The following NLRP13 variants were observed in gnomAD, a reference collection of about 807,000 sequenced individuals.
NLRP13 encodes the protein NLR family pyrin domain containing 13.
A neutral mutation model predicts 94.4 loss-of-function variants in NLRP13; 82 were observed. The observed-to-expected ratio is 0.87, with a 90% CI of 0.73 to 1.04. NLRP13 has a LOEUF of 1.04. NLRP13 is among the 50% of genes least tolerant of loss of function. The pLI is 0.00. For missense variants in NLRP13, 1,426 were observed against 1,230.8 expected, an observed-to-expected ratio of 1.16 and a Z score of -2.37; for synonymous variants, 553 against 464.7, an observed-to-expected ratio of 1.19 and a Z score of -2.45.
chr19:55,896,779 A>T (rs1986024884), intron 10 of NLRP13, among the ~76,000 whole-genome samples: 1 of 139,882 alleles, frequency 7.1e-6, no homozygotes, highest in Non-Finnish European at 1.5e-5. Flanking sequence ...AGATTGCGCC[A>T]CTGCACTCCA....
At chr19:55,891,762 C>T, downstream of NLRP13, 1 of 281,642 alleles carries the variant, frequency 3.6e-6, no homozygotes, top group Non-Finnish European at 6.6e-6. Flanking sequence ...CCAAGGAGGA[C>T]ATAGACAAGA....
At chr19:55,897,089 T>C (rs1033706883) in intron 10 of NLRP13, among the ~76,000 whole-genome samples, 3 of 152,274 alleles carry the variant, frequency 2.0e-5, no homozygotes, top group Middle Eastern at 3.4e-3. Context: ...TACACTTTTT[T>C]CCATCTTATT....
At chr19:55,898,545 A>G (rs1600257664) in intron 10 of NLRP13, among the ~76,000 whole-genome samples, 5 of 152,048 alleles carry the variant, frequency 3.3e-5, no homozygotes, top group Admixed American at 2.6e-4. Context: ...GGGTTTCCCC[A>G]TGTTGGTCAG....
chr19:55,901,190 G>C (rs1986160157), intron 9 of NLRP13, among the ~76,000 whole-genome samples: 1 of 152,230 alleles, frequency 6.6e-6, no homozygotes. Flanking sequence ...AGATTTCTCA[G>C]CAAAGCAAAT....
chr19:55,893,793 C>A (rs1306670736), downstream of NLRP13, among the ~76,000 whole-genome samples: 2 of 152,202 alleles, frequency 1.3e-5, no homozygotes, highest in African/African-American at 4.8e-5. Context: ...AGGGTCTGGG[C>A]ACCCAGTCAG....
At chr19:55,896,775 C>T (rs10425049) in intron 10 of NLRP13, among the ~76,000 whole-genome samples, 347 of 141,100 alleles carry the variant, frequency 2.5e-3, no homozygotes, top group African/African-American at 8.6e-3. Context: ...GTCAAGATTG[C>T]GCCACTGCAC....
At chr19:55,921,360 T>C (rs1009342531) in intron 4 of NLRP13, among the ~76,000 whole-genome samples, 2 of 152,224 alleles carry the variant, frequency 1.3e-5, no homozygotes, top group African/African-American at 2.4e-5. Flanking sequence ...ACGGATGATA[T>C]TTTGTTACAG....
Position 55,925,027 on chromosome 19 carries a change from G to T in NLRP13, c.328C>A (p.Gln110Lys). Reference protein sequence around the residue: ...KVRAEMKENVQTQELQDPTQE... With the variant: ...KVRAEMKENVKTQELQDPTQE... The stretch of plus-strand genomic sequence containing the variant: ...GTTGGATCTTGCAGCTCTTGGGTCT[G>T]CACATTCTCTGAAACAAACAGTGAT... Residue 110 changes from glutamine (Q) to lysine (K), a missense_variant, in exon 2 of 11, where the codon CAG becomes AAG. Physicochemically the swap from Gln to Lys is moderately conservative, Grantham distance 53. Coordinates refer to ENST00000342929, the MANE Select transcript of NLRP13 (RefSeq NM_176810.2). 1 of 1,613,862 alleles carries T rather than the reference G, an allele frequency of 6.2e-7. No individual in the cohort carries two copies. Among genetic ancestry groups the T allele is most frequent in the Non-Finnish European group, 8.5e-7 (1 of 1,179,876 alleles).
chr19:55,914,244 T>C (rs1183200677), intron 4 of NLRP13, among the ~76,000 whole-genome samples: 1 of 152,194 alleles, frequency 6.6e-6, no homozygotes. Flanking sequence ...TAGCGATTCT[T>C]AGAGGCCTTC....
intron 7 of NLRP13, among the ~76,000 whole-genome samples, chr19:55,907,468 G>A (rs889849619): frequency 1.3e-5 from 2 of 152,094 alleles, no homozygotes; most frequent in African/African-American, 2.4e-5. Context: ...AGCCACTCGG[G>A]GGCTGCAGTG....
chr19:55,912,975 A>C lies in NLRP13; in HGVS notation c.842T>G (p.Phe281Cys), dbSNP rs758951506. The change falls in exon 5 of 11, where the codon TTT becomes TGT. Residue 281 changes from phenylalanine to cysteine, a missense_variant. Transcript: ENST00000342929. ...HKIRYMKETT[F>C]AELISLDWPD... The stretch of plus-strand genomic sequence containing the variant: ...CCAATCCAAAGAAATCAATTCAGCA[A>C]AGGTAGTTTCCTTCATGTACCTTAT... 1 of 1,614,168 alleles carries C rather than the reference A, an allele frequency of 6.2e-7. No homozygotes were observed.
At chr19:55,894,188 G>C (rs1985936478), downstream of NLRP13, among the ~76,000 whole-genome samples, 1 of 151,726 alleles carries the variant, frequency 6.6e-6, no homozygotes, top group African/African-American at 2.4e-5. Context: ...ACACAGGTGT[G>C]TGCCACCATG....
Position 55,918,755 on chromosome 19 carries a change from G to A in NLRP13, c.523+5159C>T, listed in dbSNP as rs370632654. Among the ~76,000 whole-genome samples the A allele has an allele frequency of 1.9e-4, 29 of 152,110 alleles. 1 individual carries two copies. The South Asian group carries it at 5.8e-3, about 30-fold the overall frequency. On this transcript the variant is annotated intron_variant, in intron 4 of 10. Transcript: ENST00000342929. ...AAAAATTAATAACAAAAAAATCCCAGTACCAGATGTATTTCACAACCAAAT... is the reference window on the plus strand; with the variant it reads ...AAAAATTAATAACAAAAAAATCCCAATACCAGATGTATTTCACAACCAAAT...
At chr19:55,916,756 T>G (rs575553954) in intron 4 of NLRP13, among the ~76,000 whole-genome samples, 1 of 152,240 alleles carries the variant, frequency 6.6e-6, no homozygotes, top group African/African-American at 2.4e-5. Context: ...TAGGCATTCC[T>G]GAGGGAGAAG....
Position 55,912,779 on chromosome 19 carries a change from G to A in NLRP13, c.1038C>T (p.His346=), listed in dbSNP as rs146309568. The A allele has an allele frequency of 5.1e-5, 82 of 1,614,184 alleles. No homozygotes were observed. The highest frequency in any genetic ancestry group is 3.3e-4 in the Middle Eastern group (2 of 6,062). The change falls in exon 5 of 11, where the codon CAC becomes CAT. Residue 346 remains histidine (H), a synonymous_variant. Transcript: ENST00000342929. ...YQELPVTKIL[H]SLLKKELVPL... is the part of the protein sequence containing the mutation. ...GAACCAATTCTTTCTTCAACAAGCT[G>A]TGTAGGATTTTGGTCACTGGGAGCT...
intron 1 of NLRP13, among the ~76,000 whole-genome samples, chr19:55,930,473 G>A (rs549811488): frequency 1.2e-3 from 181 of 151,946 alleles, no homozygotes; most frequent in African/African-American, 4.3e-3. Flanking sequence ...ATCACCTGAG[G>A]TCAGAAGTTT....
rs1410474489 is a variant in NLRP13 at position 55,902,146 on chromosome 19, T to G, written c.2678A>C (p.Gln893Pro). ...ACKHLSDALL[Q>P]NRSLTHLNLS... ...ATTCAGGTGTGTCAGGCTCCTGTTC[T>G]GCAGGAGAGCATCTGACAAGTGCTT... The change falls in exon 9 of 11, where the codon CAG becomes CCG. Residue 893 changes from glutamine (Q) to proline (P), a missense_variant. Physicochemically the swap from Gln to Pro is moderately conservative, Grantham distance 76. Coordinates refer to ENST00000342929, the MANE Select transcript of NLRP13 (RefSeq NM_176810.2). 1 of 1,614,048 alleles carries G rather than the reference T, an allele frequency of 6.2e-7. No homozygotes were observed. Among genetic ancestry groups the G allele is most frequent in the East Asian group, 2.2e-5 (1 of 44,850 alleles).
At chr19:55,908,047 C>T in intron 6 of NLRP13, 91 bp from the exon 7 acceptor site, 1 of 1,156,140 alleles carries the variant, frequency 8.6e-7, no homozygotes, top group Non-Finnish European at 1.2e-6. Context: ...TTCTACTACA[C>T]TCACTGCCAA....
intron 4 of NLRP13, among the ~76,000 whole-genome samples, chr19:55,916,636 G>T (rs1190220121): frequency 6.6e-6 from 1 of 152,150 alleles, no homozygotes; most frequent in Non-Finnish European, 1.5e-5. Flanking sequence ...CTCAGAACTT[G>T]AAGGTCTTTT....
Sources: gnomAD v4.1 joint callset for allele counts (sites outside exome capture counted in the v4.1 genomes callset) on GRCh38, gnomAD v4.1.1 for gene constraint, MANE v1.5 for transcripts, NCBI Gene and HGNC (gene_info 2026-07-23, HGNC 2026-07-21) for gene names.